Variants in SORCS3 observed in about 807,000 individuals in gnomAD.
SORCS3 encodes sortilin related VPS10 domain containing receptor 3.
Under a neutral mutation model 146.3 loss-of-function variants are expected in SORCS3, and 57 were observed. That is an observed-to-expected ratio of 0.39 (90% CI 0.31 to 0.49). The LOEUF is 0.49. Ranked by LOEUF, SORCS3 falls within the 20% of genes least tolerant of loss-of-function variation. The pLI is 0.92. For missense variants in SORCS3, 1,341 were observed against 1,575.5 expected, an observed-to-expected ratio of 0.85 and a Z score of 2.52; for synonymous variants, 653 against 618.5, an observed-to-expected ratio of 1.06 and a Z score of -0.83.
At position 105,264,237 on chromosome 10, in the gene SORCS3, T is replaced by A. The variant is rs2056978509; in HGVS notation, c.*863T>A. The A allele has an allele frequency of 1.3e-5, 2 of 150,750 alleles. No individual in the cohort carries two copies. Among genetic ancestry groups the A allele is most frequent in the Admixed American group, 1.3e-4 (2 of 15,168 alleles). The allele number at this position is 150,750 out of a possible 1,614,324, so 9.3% of individuals were successfully genotyped here. A position where few individuals can be genotyped will look rare whatever the true frequency, so the allele number is the denominator to read the frequency against. ...GCAGTCGTTTTTGTTCCAAGAATGA[T>A]ATGAAAGGTGAAGAAGAGGCCCACT... On this transcript the variant is annotated 3_prime_UTR_variant, in exon 27 of 27. Coordinates refer to ENST00000369701, the MANE Select transcript of SORCS3 (RefSeq NM_014978.3).
At chr10:105,209,662 G>T (rs919919760) in intron 16 of SORCS3, among the ~76,000 whole-genome samples, 1 of 152,096 alleles carries the variant, frequency 6.6e-6, no homozygotes, top group Admixed American at 6.5e-5. Flanking sequence ...CTATGACCTA[G>T]ATATTAAAGA....
chr10:104,887,135 G>A (rs2018697063), intron 2 of SORCS3, among the ~76,000 whole-genome samples: 1 of 152,202 alleles, frequency 6.6e-6, no homozygotes, highest in Admixed American at 6.5e-5. Flanking sequence ...GTGATTATAT[G>A]AAAATTTAAA....
At chr10:105,064,804 A>G (rs998360176) in intron 5 of SORCS3, among the ~76,000 whole-genome samples, 1 of 150,790 alleles carries the variant, frequency 6.6e-6, no homozygotes, top group African/African-American at 2.4e-5. Context: ...CCACTGAGTG[A>G]TGCCTGCCCA....
At chr10:105,118,371 T>A (rs566192241) in intron 7 of SORCS3, among the ~76,000 whole-genome samples, 34 of 152,272 alleles carry the variant, frequency 2.2e-4, no homozygotes, top group African/African-American at 7.5e-4. Context: ...CCTTCCAAAG[T>A]GGAATTGTGA....
chr10:104,923,439 G>C (rs2019107951), intron 3 of SORCS3, among the ~76,000 whole-genome samples: 1 of 152,182 alleles, frequency 6.6e-6, no homozygotes, highest in South Asian at 2.1e-4. Flanking sequence ...ACAGTTCCTT[G>C]GTCAAAAGGT....
intron 7 of SORCS3, among the ~76,000 whole-genome samples, chr10:105,116,916 G>T (rs1185435896): frequency 1.3e-5 from 2 of 152,066 alleles, no homozygotes; most frequent in African/African-American, 2.4e-5. Context: ...AAGAGGAGCA[G>T]AAAACTATCT....
intron 1 of SORCS3, among the ~76,000 whole-genome samples, chr10:104,815,730 A>G (rs2017790369): frequency 6.6e-6 from 1 of 152,160 alleles, no homozygotes; most frequent in Admixed American, 6.5e-5. Context: ...GTTTTTCATG[A>G]TGCATTTAAC....
intron 8 of SORCS3, among the ~76,000 whole-genome samples, chr10:105,140,112 G>A (rs2056085116): frequency 6.6e-6 from 1 of 152,108 alleles, no homozygotes; most frequent in South Asian, 2.1e-4. Flanking sequence ...TGTGAAAATG[G>A]ACAGGTTATA....
At chr10:105,037,313 AGGGG>A (rs1208735401) in intron 4 of SORCS3, among the ~76,000 whole-genome samples, 2 of 152,182 alleles carry the variant, frequency 1.3e-5, no homozygotes, top group East Asian at 3.9e-4. Context: ...TAGTCCTGGC[AGGGG>A]GTGTGAGATG....
chr10:104,725,541 T>C (rs1270060941), intron 1 of SORCS3, among the ~76,000 whole-genome samples: 1 of 152,230 alleles, frequency 6.6e-6, no homozygotes, highest in Non-Finnish European at 1.5e-5. Flanking sequence ...AGGTTTCTGC[T>C]GCCTTTTTTT....
At chr10:104,896,498 C>T (rs528291706) in intron 2 of SORCS3, among the ~76,000 whole-genome samples, 1 of 152,266 alleles carries the variant, frequency 6.6e-6, no homozygotes, top group East Asian at 1.9e-4. Flanking sequence ...GTGCAGATTT[C>T]GATCTGAGGG....
At chr10:105,159,968 A>AGTGGGCT (rs2056248163) in intron 11 of SORCS3, among the ~76,000 whole-genome samples, 1 of 152,184 alleles carries the variant, frequency 6.6e-6, no homozygotes, top group Non-Finnish European at 1.5e-5. Flanking sequence ...CAAGCCCACT[A>AGTGGGCT]TGCTTAATAC....
At chr10:105,195,671 A>C (rs2056539995) in intron 14 of SORCS3, among the ~76,000 whole-genome samples, 1 of 152,210 alleles carries the variant, frequency 6.6e-6, no homozygotes, top group African/African-American at 2.4e-5. Context: ...CATGTGTCTG[A>C]GTCATGTATG....
intron 5 of SORCS3, among the ~76,000 whole-genome samples, chr10:105,056,605 C>T (rs1182831071): frequency 6.6e-6 from 1 of 152,110 alleles, no homozygotes; most frequent in Non-Finnish European, 1.5e-5. Flanking sequence ...TCTTGTGATG[C>T]TTAAGTGCAT....
At chr10:105,117,006 C>T (rs2055898258) in intron 7 of SORCS3, among the ~76,000 whole-genome samples, 1 of 151,792 alleles carries the variant, frequency 6.6e-6, no homozygotes, top group African/African-American at 2.4e-5. Context: ...GCCTATATAA[C>T]AAACCTGTGC....
intron 5 of SORCS3, among the ~76,000 whole-genome samples, chr10:105,068,819 A>G (rs2055538255): frequency 6.6e-6 from 1 of 152,240 alleles, no homozygotes; most frequent in African/African-American, 2.4e-5. Context: ...ATAGAAATCA[A>G]TGGAATGACA....
At chr10:104,735,919 C>T (rs2016766138) in intron 1 of SORCS3, among the ~76,000 whole-genome samples, 1 of 152,160 alleles carries the variant, frequency 6.6e-6, no homozygotes. Context: ...ATGCAGCCCT[C>T]CAAACACAAT....
intron 1 of SORCS3, among the ~76,000 whole-genome samples, chr10:104,741,540 T>C (rs530774038): frequency 5.0e-4 from 76 of 151,866 alleles, no homozygotes; most frequent in Admixed American, 2.4e-3. Flanking sequence ...TTTCTTTTTC[T>C]CTCCTTCTGG....
intron 2 of SORCS3, among the ~76,000 whole-genome samples, chr10:104,849,124 A>T (rs1261490957): frequency 1.3e-5 from 2 of 152,162 alleles, no homozygotes; most frequent in Non-Finnish European, 2.9e-5. Context: ...CTTAAAAAGA[A>T]AAACAGCCAG....
Sources: allele counts gnomAD v4.1 joint callset (sites outside exome capture counted in the v4.1 genomes callset), GRCh38; gene constraint gnomAD v4.1.1; transcripts MANE v1.5; gene names NCBI Gene and HGNC (gene_info 2026-07-23, HGNC 2026-07-21).